PSMD2: variants seen among roughly 807,000 people sequenced by gnomAD.
The protein encoded by PSMD2 is 26S proteasome non-ATPase regulatory subunit 2.
Under a neutral mutation model 101.5 loss-of-function variants are expected in PSMD2, and 8 were observed. The ratio of observed to expected loss-of-function variants is 0.08; its 90% CI spans 0.05 to 0.14. The LOEUF (loss-of-function observed/expected upper bound fraction) is 0.14, where lower values mean the gene tolerates loss of function less well. Ranked by LOEUF, PSMD2 falls within the 10% of genes least tolerant of loss-of-function variation. The probability of loss-of-function intolerance (pLI) is 1.00; values close to 1 mark genes in which losing one functional copy is unlikely to be tolerated. For missense variants in PSMD2, 784 were observed against 1,147.4 expected (o/e 0.68, Z 4.58); for synonymous variants, 418 against 433.8 (o/e 0.96, Z 0.45).
At position 184,308,840 on chromosome 3, in the gene PSMD2, A is replaced by G; in HGVS notation, c.2677A>G (p.Ile893Val). The G allele has an allele frequency of 1.2e-6, 2 of 1,612,982 alleles. No individual in the cohort carries two copies. Among genetic ancestry groups the G allele is most frequent in the South Asian group, 1.1e-5 (1 of 91,030 alleles). ...TGAGGAGTTTCTTCCTGTTACCCCC[A>G]TTCTGGAAGGTTTTGTTATCCTTCG... ...ATEEFLPVTP[I>V]LEGFVILRKN... The change falls in exon 21 of 21, where the codon ATT (isoleucine) becomes GTT (valine). Residue 893 changes from isoleucine to valine, a missense_variant. Physicochemically the swap from Ile to Val is conservative, Grantham distance 29 (BLOSUM62 3). This residue lies in a region of PSMD2 where 33 missense variants were observed against 38.2 expected (regional missense o/e 0.86). Transcript: ENST00000310118. The surrounding 1 kb of genome is among the most constrained non-coding windows in gnomAD (Gnocchi z 6.0).
In PSMD2 at chr3:184,305,949, T is replaced by C. The variant is rs376227960; in HGVS notation, c.1702+19T>C. 8 of 1,614,020 alleles carry C rather than the reference T, an allele frequency of 5.0e-6. No individual in the cohort carries two copies. In the East Asian group the frequency reaches 8.9e-5, roughly 18 times the overall value. On this transcript the variant is annotated intron_variant, in intron 13 of 20. Coordinates refer to ENST00000310118, the MANE Select transcript of PSMD2 (RefSeq NM_002808.5). ...CACCTGGGTGAGGGGATGTTTCTAT[T>C]TGGGCAAAGAGCTGACAGTAACTGG...
rs145048126 is a variant in PSMD2 at position 184,304,621 on chromosome 3, C to G, written c.1539+230C>G. On this transcript the variant is annotated intron_variant, in intron 12 of 20. Coordinates refer to ENST00000310118, the MANE Select transcript of PSMD2 (RefSeq NM_002808.5). The surrounding 1 kb of genome is among the most constrained non-coding windows in gnomAD (Gnocchi z 4.1). ...ACATTTTAGGCCTGGCACGGTGGCT[C>G]GTGCCTATAATCCCAGCACTTTGGG... Among the ~76,000 whole-genome samples the G allele has an allele frequency of 3.0e-3, 464 of 152,224 alleles. 2 individuals are homozygous for G. Among genetic ancestry groups the G allele is most frequent in the Non-Finnish European group, 5.1e-3 (347 of 68,014 alleles).
rs1478459194 is a variant in PSMD2, at chr3:184,307,371, G to T, written c.2049G>T (p.Glu683Asp). 1.2e-6 allele frequency: 2 copies of T among 1,613,988 alleles called. No homozygotes were observed. The highest frequency in any genetic ancestry group is 2.7e-5 in the African/African-American group (2 of 74,898). Residue 683 changes from glutamate (E) to aspartate (D), a missense_variant, in exon 17 of 21, where the codon GAG (glutamate) becomes GAT (aspartate). By Grantham distance (45) the Glu-to-Asp change is conservative. Around this residue, in one of 6 missense-constraint regions of PSMD2, gnomAD observed 282 missense variants for 437.6 expected, o/e 0.64. Transcript: ENST00000310118. ...RTFGHLLRYG[E>D]PTLRRAVPLA... ...TGGATCATCAGCTGAGATATGGGGAGCCTACACTCCGGAGGGCTGTACCTT... is the reference window on the plus strand; with the variant it reads ...TGGATCATCAGCTGAGATATGGGGATCCTACACTCCGGAGGGCTGTACCTT...
At chr3:184,301,034 TA>T (rs1721625341) in intron 3 of PSMD2, among the ~76,000 whole-genome samples, 1 of 149,624 alleles carries the variant, frequency 6.7e-6, no homozygotes, top group East Asian at 1.9e-4. Flanking sequence ...TGTGTTAGTT[TA>T]AAAGGAAGAC....
chr3:184,299,429 A>C (rs1436244333), intron 1 of PSMD2, 28 bp downstream of exon 1: 16 of 1,331,726 alleles, frequency 1.2e-5, no homozygotes, highest in Non-Finnish European at 1.5e-5. Flanking sequence ...GAGTCGGCGA[A>C]GGAGGCTGCG....
Position 184,306,405 on chromosome 3 carries a change from T to G in PSMD2, c.1860T>G (p.Phe620Leu), listed in dbSNP as rs772308619. The change falls in exon 15 of 21, where the codon TTT (phenylalanine) becomes TTG (leucine). Residue 620 changes from phenylalanine to leucine, a missense_variant. By Grantham distance (22) the Phe-to-Leu change is conservative (BLOSUM62 0). This residue lies in a region of PSMD2 where 282 missense variants were observed against 437.6 expected (regional missense o/e 0.64). Transcript: ENST00000310118. The stretch of plus-strand genomic sequence containing the variant: ...TGCTCCACATTTGTAGCGAACACTT[T>G]GACTCCAAAGAGAAGGAGGAAGACA... ...QQLLHICSEH[F>L]DSKEKEEDKD... 6.2e-7 allele frequency: 1 copy of G among 1,614,128 alleles called. No homozygotes were observed. The highest frequency in any genetic ancestry group is 1.7e-5 in the Admixed American group (1 of 60,006).
chr3:184,306,180 T>G (rs759748775), intron 14 of PSMD2, 25 bp downstream of exon 14: 1 of 1,612,654 alleles, frequency 6.2e-7, no homozygotes, highest in Non-Finnish European at 8.5e-7. Context: ...GAGTCTGTCT[T>G]GTGCTTCCCC....
At position 184,299,291 on chromosome 3, in the gene PSMD2, GC is replaced by G; in HGVS notation, c.26del (p.Ala9GlyfsTer55). The G allele has an allele frequency of 7.3e-7, 1 of 1,370,952 alleles. No individual in the cohort carries two copies. The highest frequency in any genetic ancestry group is 9.4e-7 in the Non-Finnish European group (1 of 1,063,704). 84.9% of individuals were successfully genotyped at this position (1,370,952 alleles called of 1,614,324 possible). MEEGGRDK[A>X]PVQPQQSPAA... ...GATGGAGGAGGGAGGCCGGGACAAG[GC>G]GCCGGTGCAGCCCCAGCAGTCTCCA... On this transcript the variant is annotated frameshift_variant, in exon 1 of 21. Coordinates refer to ENST00000310118, the MANE Select transcript of PSMD2 (RefSeq NM_002808.5). LOFTEE classifies it high-confidence loss of function.
chr3:184,308,304 T>A lies in PSMD2; in HGVS notation c.2426-145T>A. 2.4e-6 allele frequency: 2 copies of A among 824,244 alleles called. No homozygotes were observed. The highest frequency in any genetic ancestry group is 3.9e-6 in the Non-Finnish European group (2 of 517,694). The allele number at this position is 824,244 out of a possible 1,614,324, so 51.1% of individuals were successfully genotyped here. A position where few individuals can be genotyped will look rare whatever the true frequency, so the allele number is the denominator to read the frequency against. ...AAAGTGAGGTGGGGGCGTCTCTGGT[T>A]CGTAGTAGGGTGTATGAGGGGAGGA... On this transcript the variant is annotated intron_variant, in intron 19 of 20. Coordinates refer to ENST00000310118, the MANE Select transcript of PSMD2 (RefSeq NM_002808.5). This position sits in a 1 kb window ranked among gnomAD's most constrained non-coding sequence, Gnocchi z 6.0.
At position 184,304,122 on chromosome 3, in the gene PSMD2, T is replaced by C; in HGVS notation, c.1451+48T>C. 6.2e-7 allele frequency: 1 copy of C among 1,609,532 alleles called. No homozygotes were observed. Among genetic ancestry groups the C allele is most frequent in the Non-Finnish European group, 8.5e-7 (1 of 1,176,524 alleles). On this transcript the variant is annotated intron_variant, in intron 11 of 20. Transcript: ENST00000310118. This position sits in a 1 kb window ranked among gnomAD's most constrained non-coding sequence, Gnocchi z 4.1. ...CTGGTAGTGCTCAGCCTGTACACTC[T>C]GGAGAACAGGAACTGGGCCCTTTTC... is the stretch of plus-strand genomic sequence containing the variant.
chr3:184,307,865 C>T (rs747729627), intron 18 of PSMD2, 25 bp from the exon 19 acceptor site: 4 of 1,613,828 alleles, frequency 2.5e-6, no homozygotes, highest in Non-Finnish European at 3.4e-6. Flanking sequence ...AACTCCTCAC[C>T]TCTACTTCCC....
rs759716680 is a variant in PSMD2, at chr3:184,303,021, A to G, written c.1028A>G (p.Lys343Arg). 2 of 1,614,030 alleles carry G rather than the reference A, an allele frequency of 1.2e-6. No individual in the cohort carries two copies. Among genetic ancestry groups the G allele is most frequent in the South Asian group, 1.1e-5 (1 of 91,082 alleles). ...CTTCAGCTGGACATCATGGAGCCCAAGGTGCCTGATGACATCTACAAAACC... is the reference window on the plus strand; with the variant it reads ...CTTCAGCTGGACATCATGGAGCCCAGGGTGCCTGATGACATCTACAAAACC... Reference protein sequence around the residue: ...LARELDIMEPKVPDDIYKTHL... With the variant: ...LARELDIMEPRVPDDIYKTHL... The change falls in exon 8 of 21, where the codon AAG becomes AGG. Residue 343 changes from lysine (K) to arginine (R), a missense_variant. Around this residue, in one of 6 missense-constraint regions of PSMD2, gnomAD observed 208 missense variants for 301.6 expected, o/e 0.69. Coordinates refer to ENST00000310118, the MANE Select transcript of PSMD2 (RefSeq NM_002808.5).
chr3:184,299,545 CCT>C (rs1335182544), intron 1 of PSMD2, 144 bp downstream of exon 1: 2 of 1,092,114 alleles, frequency 1.8e-6, no homozygotes, highest in Non-Finnish European at 2.4e-6. Flanking sequence ...CGGCACCTTG[CCT>C]CTCTGCTCCT....
chr3:184,301,285 G>A (rs1721634765), intron 3 of PSMD2, among the ~76,000 whole-genome samples: 1 of 150,536 alleles, frequency 6.6e-6, no homozygotes, highest in East Asian at 2.0e-4. Context: ...GCAGTGAACC[G>A]AGAGCACACC....
Position 184,308,185 on chromosome 3 carries a change from T to C in PSMD2, c.2425+169T>C, listed in dbSNP as rs909816087. On this transcript the variant is annotated intron_variant, in intron 19 of 20. Coordinates refer to ENST00000310118, the MANE Select transcript of PSMD2 (RefSeq NM_002808.5). The surrounding 1 kb of genome is among the most constrained non-coding windows in gnomAD (Gnocchi z 6.0). The stretch of plus-strand genomic sequence containing the variant: ...CATGAGACTTTCATCACCCACACTT[T>C]TGATCTGGCCCAAAGAGATTTGAGG... Among the ~76,000 whole-genome samples the C allele has an allele frequency of 6.6e-6, 1 of 152,224 alleles. No individual in the cohort carries two copies. Among genetic ancestry groups the C allele is most frequent in the South Asian group, 2.1e-4 (1 of 4,828 alleles).
chr3:184,302,045 T>C lies in PSMD2; in HGVS notation c.678T>C (p.Tyr226=), dbSNP rs572359191. ...MLEKDIDENA[Y]AKVCLYLTSC... ...AGAAGGACATTGATGAAAATGCATA[T>C]GCAAAGGTCTGCCTTTATCTCACCA... is the stretch of plus-strand genomic sequence containing the variant. The change falls in exon 5 of 21, where the codon TAT becomes TAC. Residue 226 remains tyrosine (Y), a synonymous_variant. Coordinates refer to ENST00000310118, the MANE Select transcript of PSMD2 (RefSeq NM_002808.5). The C allele has an allele frequency of 1.9e-5, 31 of 1,614,126 alleles. No homozygotes were observed. In the Middle Eastern group the frequency reaches 4.9e-4, roughly 26 times the overall value.
Position 184,302,423 on chromosome 3 carries a change from T to C in PSMD2, c.758T>C (p.Leu253Pro). The C allele has an allele frequency of 6.2e-7, 1 of 1,614,214 alleles. No homozygotes were observed. The highest frequency in any genetic ancestry group is 8.5e-7 in the Non-Finnish European group (1 of 1,180,034). The change falls in exon 6 of 21, where the codon CTG becomes CCG. Residue 253 changes from leucine to proline, a missense_variant. Coordinates refer to ENST00000310118, the MANE Select transcript of PSMD2 (RefSeq NM_002808.5). ...PENSALLRCA[L>P]GVFRKFSRFP... is the part of the protein sequence containing the mutation. ...AACTCAGCCCTACTGCGTTGTGCCC[T>C]GGGTGTGTTCCGAAAGTTTAGCCGC...
At position 184,308,121 on chromosome 3, in the gene PSMD2, T is replaced by C; in HGVS notation, c.2425+105T>C. The C allele has an allele frequency of 7.0e-7, 1 of 1,432,544 alleles. No individual in the cohort carries two copies. Among genetic ancestry groups the C allele is most frequent in the Non-Finnish European group, 9.4e-7 (1 of 1,060,420 alleles). 88.7% of individuals were successfully genotyped at this position (1,432,544 alleles called of 1,614,324 possible). A position where few individuals can be genotyped will look rare whatever the true frequency, so the allele number is the denominator to read the frequency against. ...GGTTCAAGACCCCAGTTTAGCTCTGTATCGCTCTAGGTTTCTGAGACAGGC... is the reference window on the plus strand; with the variant it reads ...GGTTCAAGACCCCAGTTTAGCTCTGCATCGCTCTAGGTTTCTGAGACAGGC... On this transcript the variant is annotated intron_variant, in intron 19 of 20. Coordinates refer to ENST00000310118, the MANE Select transcript of PSMD2 (RefSeq NM_002808.5). The surrounding 1 kb of genome is among the most constrained non-coding windows in gnomAD (Gnocchi z 6.0).
At chr3:184,307,000 A>G (rs982272698) in intron 16 of PSMD2, among the ~76,000 whole-genome samples, 166 bp downstream of exon 16, 1 of 151,924 alleles carries the variant, frequency 6.6e-6, no homozygotes, top group Non-Finnish European at 1.5e-5. Context: ...TCTAGAGTGC[A>G]ATGGCACGGT....
Sources: allele counts gnomAD v4.1 joint callset (sites outside exome capture counted in the v4.1 genomes callset), GRCh38; gene constraint gnomAD v4.1.1; regional missense constraint gnomAD v4.1.1; non-coding constraint Gnocchi (gnomAD v3.1); transcripts MANE v1.5; gene names NCBI Gene and HGNC (gene_info 2026-07-23, HGNC 2026-07-21).